The following CFDP1 variants were observed in gnomAD, a reference collection of about 807,000 sequenced individuals.
CFDP1 encodes the protein chromatin remodeling protein CFDP1.
Under a neutral mutation model 40.1 loss-of-function variants are expected in CFDP1, and 31 were observed. That is an observed-to-expected ratio of 0.77 (90% CI 0.58 to 1.04). The LOEUF is 1.04. Among genes scored for constraint, CFDP1 ranks in the 50% least tolerant of loss-of-function variants. The probability of loss-of-function intolerance (pLI) is 0.00; values close to 1 mark genes in which losing one functional copy is unlikely to be tolerated. For missense variants in CFDP1, 423 were observed against 343.4 expected (o/e 1.23, Z -1.83); for synonymous variants, 167 against 120.0 (o/e 1.39, Z -2.56).
intron 5 of CFDP1, among the ~76,000 whole-genome samples, chr16:75,390,984 G>T (rs574033634): frequency 6.6e-6 from 1 of 152,302 alleles, no homozygotes; most frequent in East Asian, 1.9e-4. Context: ...TCTCCCTAAT[G>T]CAGATATCAT....
chr16:75,406,034 G>C (rs766888683), intron 4 of CFDP1, among the ~76,000 whole-genome samples: 9 of 152,146 alleles, frequency 5.9e-5, no homozygotes, highest in Admixed American at 2.0e-4. Flanking sequence ...TTGAGGACAA[G>C]AGGTCAGGAC....
intron 5 of CFDP1, among the ~76,000 whole-genome samples, chr16:75,385,237 C>T (rs1408682910): frequency 6.6e-6 from 1 of 151,830 alleles, no homozygotes; most frequent in African/African-American, 2.4e-5. Flanking sequence ...AATCTTGTGA[C>T]TAATATTAAT....
intron 5 of CFDP1, among the ~76,000 whole-genome samples, chr16:75,307,237 C>T (rs558705266): frequency 2.0e-5 from 3 of 151,756 alleles, no homozygotes; most frequent in African/African-American, 4.8e-5. Context: ...TTTTTTGAGA[C>T]GGAGTTTCTC....
chr16:75,312,984 T>C (rs2078303742), intron 5 of CFDP1, among the ~76,000 whole-genome samples: 1 of 152,196 alleles, frequency 6.6e-6, no homozygotes, highest in South Asian at 2.1e-4. Context: ...TGGGACAAGC[T>C]AACTGACCTG....
At chr16:75,310,237 G>A (rs1483019899) in intron 5 of CFDP1, among the ~76,000 whole-genome samples, 1 of 152,172 alleles carries the variant, frequency 6.6e-6, no homozygotes, top group African/African-American at 2.4e-5. Context: ...CATGCCATAA[G>A]AGAGAGTGGC....
At chr16:75,327,162 G>C (rs2078408136) in intron 5 of CFDP1, among the ~76,000 whole-genome samples, 1 of 152,176 alleles carries the variant, frequency 6.6e-6, no homozygotes, top group Non-Finnish European at 1.5e-5. Flanking sequence ...AGCTATTCGG[G>C]AGGCTGAGGC....
chr16:75,404,450 T>C (rs900968653), intron 4 of CFDP1, among the ~76,000 whole-genome samples: 4 of 151,948 alleles, frequency 2.6e-5, no homozygotes, highest in Admixed American at 1.3e-4. Flanking sequence ...CTCGATCTCC[T>C]GACCCCATGA....
intron 5 of CFDP1, chr16:75,325,010 A>G (rs1316554422): frequency 6.6e-6 from 1 of 152,194 alleles, no homozygotes; most frequent in Non-Finnish European, 1.5e-5. Context: ...CTTTGATGGC[A>G]TATGGGAGTC....
intron 5 of CFDP1, among the ~76,000 whole-genome samples, chr16:75,323,689 G>A (rs2078382331): frequency 6.6e-6 from 1 of 150,682 alleles, no homozygotes; most frequent in South Asian, 2.1e-4. Context: ...TGAGGCAGGA[G>A]AACTGCTTGA....
At chr16:75,356,911 CTTTTTTTTTTTT>C (rs576406459) in intron 5 of CFDP1, among the ~76,000 whole-genome samples, 1,242 of 80,670 alleles carry the variant, frequency 0.015, 25 homozygotes, top group African/African-American at 0.045. Context: ...TGCTTTCTTT[CTTTTTTTTTTTT>C]TTTTTTTTGA....
At chr16:75,331,858 G>A (rs150973243) in intron 5 of CFDP1, among the ~76,000 whole-genome samples, 9 of 152,242 alleles carry the variant, frequency 5.9e-5, no homozygotes, top group African/African-American at 1.9e-4. Flanking sequence ...TAGAGTGGGC[G>A]TATATTTAAC....
At chr16:75,318,693 T>C (rs374754413) in intron 5 of CFDP1, among the ~76,000 whole-genome samples, 38 of 152,084 alleles carry the variant, frequency 2.5e-4, no homozygotes, top group Non-Finnish European at 3.2e-4. Context: ...CGTGAGCCAC[T>C]GCGCCCGGCC....
chr16:75,433,009 G>C (rs1335818282), intron 1 of CFDP1, among the ~76,000 whole-genome samples: 1 of 152,192 alleles, frequency 6.6e-6, no homozygotes, highest in African/African-American at 2.4e-5. Context: ...ACCGACGAGC[G>C]TCCCTAGCGA....
At chr16:75,368,589 G>C (rs573739956) in intron 5 of CFDP1, among the ~76,000 whole-genome samples, 1 of 152,304 alleles carries the variant, frequency 6.6e-6, no homozygotes, top group East Asian at 1.9e-4. Flanking sequence ...TAATATAAAA[G>C]ATTGGCAAAA....
chr16:75,427,281 C>T (rs140685122), intron 1 of CFDP1, among the ~76,000 whole-genome samples: 2,355 of 151,674 alleles, frequency 0.016, 59 homozygotes, highest in African/African-American at 0.053. Context: ...GACAGTGTCT[C>T]GCTCTCTTGC....
intron 5 of CFDP1, among the ~76,000 whole-genome samples, chr16:75,310,463 C>A (rs1439362818): frequency 6.7e-6 from 1 of 150,172 alleles, no homozygotes; most frequent in South Asian, 2.1e-4. Context: ...TCATCTTTTT[C>A]TTTTCTAGGT....
intron 5 of CFDP1, among the ~76,000 whole-genome samples, chr16:75,306,812 A>G (rs1240043009): frequency 6.6e-6 from 1 of 151,782 alleles, no homozygotes; most frequent in African/African-American, 2.4e-5. Flanking sequence ...TGAGCTTTCA[A>G]TTCATATCTT....
At chr16:75,344,325 T>C (rs893035983) in intron 5 of CFDP1, among the ~76,000 whole-genome samples, 7 of 152,200 alleles carry the variant, frequency 4.6e-5, no homozygotes, top group African/African-American at 1.4e-4. Flanking sequence ...TTGTACACTT[T>C]AAAATGGTTA....
At chr16:75,330,886 T>C (rs1211790541) in intron 5 of CFDP1, among the ~76,000 whole-genome samples, 1 of 151,614 alleles carries the variant, frequency 6.6e-6, no homozygotes, top group Non-Finnish European at 1.5e-5. Flanking sequence ...AGTAGCACAA[T>C]TTGCTATTAT....
Sources: allele counts gnomAD v4.1 joint callset (sites outside exome capture counted in the v4.1 genomes callset), GRCh38; gene constraint gnomAD v4.1.1; transcripts MANE v1.5; gene names NCBI Gene and HGNC (gene_info 2026-07-23, HGNC 2026-07-21).